IPMK: variants seen among roughly 807,000 people sequenced by gnomAD.
IPMK encodes inositol 1,3,4,6-tetrakisphosphate 5-kinase.
A neutral mutation model predicts 45.8 loss-of-function variants in IPMK; 17 were observed. That is an observed-to-expected ratio of 0.37 (90% CI 0.25 to 0.56). IPMK has a LOEUF of 0.56. Among genes scored for constraint, IPMK ranks in the 20% least tolerant of loss-of-function variants. IPMK has a pLI of 0.79. For missense variants in IPMK, 399 were observed against 498.0 expected (o/e 0.80, Z 1.89); for synonymous variants, 180 against 184.3 (o/e 0.98, Z 0.19).
intron 3 of IPMK, among the ~76,000 whole-genome samples, chr10:58,217,688 CAAAAAA>C (rs11393849): frequency 8.1e-5 from 4 of 49,264 alleles, no homozygotes; most frequent in Non-Finnish European, 1.1e-4. Context: ...AACTCCATCT[CAAAAAA>C]AAAAAAAAAA....
At chr10:58,261,600 T>C (rs1313613888) in intron 1 of IPMK, among the ~76,000 whole-genome samples, 1 of 152,050 alleles carries the variant, frequency 6.6e-6, no homozygotes, top group African/African-American at 2.4e-5. Flanking sequence ...TGTTTTTTTT[T>C]TTTTAGACAG....
intron 4 of IPMK, among the ~76,000 whole-genome samples, chr10:58,215,541 T>C (rs772026230): frequency 2.0e-5 from 3 of 151,848 alleles, no homozygotes; most frequent in Non-Finnish European, 4.4e-5. Context: ...CCCGAGTAGC[T>C]CGGACTATAG....
At chr10:58,228,459 A>AT in intron 2 of IPMK, among the ~76,000 whole-genome samples, 1 of 152,366 alleles carries the variant, frequency 6.6e-6, no homozygotes, top group African/African-American at 2.4e-5. Flanking sequence ...TATTTAGAAT[A>AT]TTTTTTAAAA....
At chr10:58,234,982 C>T (rs1467251145) in intron 2 of IPMK, among the ~76,000 whole-genome samples, 1 of 152,082 alleles carries the variant, frequency 6.6e-6, no homozygotes, top group Non-Finnish European at 1.5e-5. Context: ...AAAAAACAAA[C>T]AACCCCATCA....
intron 1 of IPMK, among the ~76,000 whole-genome samples, chr10:58,245,773 T>C (rs1838790151): frequency 6.6e-6 from 1 of 150,688 alleles, no homozygotes; most frequent in Non-Finnish European, 1.5e-5. Flanking sequence ...TCACCACTCC[T>C]ATTCAACATA....
chr10:58,243,645 CA>C (rs1342111395), intron 1 of IPMK, among the ~76,000 whole-genome samples: 1 of 152,238 alleles, frequency 6.6e-6, no homozygotes, highest in African/African-American at 2.4e-5. Context: ...GCTGGGATTG[CA>C]GACGGAGTCT....
At chr10:58,248,787 GTGT>G (rs1465425479) in intron 1 of IPMK, among the ~76,000 whole-genome samples, 1 of 152,162 alleles carries the variant, frequency 6.6e-6, no homozygotes, top group African/African-American at 2.4e-5. Context: ...ATGAGGTCAT[GTGT>G]TATTCGTCTT....
chr10:58,253,387 A>C (rs1838913824), intron 1 of IPMK, among the ~76,000 whole-genome samples: 1 of 152,082 alleles, frequency 6.6e-6, no homozygotes, highest in African/African-American at 2.4e-5. Context: ...TATTCCCTCA[A>C]CTTTTGTTTG....
intron 1 of IPMK, among the ~76,000 whole-genome samples, chr10:58,241,300 T>G (rs1000476702): frequency 6.6e-6 from 1 of 152,190 alleles, no homozygotes; most frequent in Non-Finnish European, 1.5e-5. Flanking sequence ...AGGATACCTC[T>G]GCAGCCTAGC....
rs376202260 is a variant in IPMK, at chr10:58,193,724, C to A, written c.*2352G>T. 6.6e-6 allele frequency: 1 copy of A among 151,634 alleles called. No individual in the cohort carries two copies. The highest frequency in any genetic ancestry group is 6.6e-5 in the Admixed American group (1 of 15,220). 9.4% of individuals were successfully genotyped at this position (151,634 alleles called of 1,614,324 possible). A position where few individuals can be genotyped will look rare whatever the true frequency, so the allele number is the denominator to read the frequency against. ...AGAATCCTATTAACCCAAACTATATCCGCATTATGCTTATTTCTTAAGCAT... is the reference window on the plus strand; with the variant it reads ...AGAATCCTATTAACCCAAACTATATACGCATTATGCTTATTTCTTAAGCAT... On this transcript the variant is annotated 3_prime_UTR_variant, in exon 6 of 6. Transcript: ENST00000373935.
chr10:58,259,955 T>C (rs368773645), intron 1 of IPMK, among the ~76,000 whole-genome samples: 2 of 152,286 alleles, frequency 1.3e-5, no homozygotes, highest in East Asian at 3.9e-4. Context: ...TAAAGTTTCA[T>C]GAGGAACAGA....
At chr10:58,209,005 C>T (rs1283747067) in intron 4 of IPMK, among the ~76,000 whole-genome samples, 1 of 152,212 alleles carries the variant, frequency 6.6e-6, no homozygotes, top group Non-Finnish European at 1.5e-5. Context: ...ATTTACCTCA[C>T]AGCCTCACTC....
intron 4 of IPMK, among the ~76,000 whole-genome samples, chr10:58,208,324 T>C (rs1838103036): frequency 6.6e-6 from 1 of 152,170 alleles, no homozygotes; most frequent in Non-Finnish European, 1.5e-5. Context: ...ATTCTTTATA[T>C]GGCAATTCAG....
intron 4 of IPMK, among the ~76,000 whole-genome samples, chr10:58,201,538 T>G (rs1837998726): frequency 6.6e-6 from 1 of 152,118 alleles, no homozygotes; most frequent in Non-Finnish European, 1.5e-5. Flanking sequence ...TTCCCCCATC[T>G]CTCTTCCTCT....
chr10:58,200,761 C>T (rs1769045), intron 4 of IPMK, among the ~76,000 whole-genome samples: 51,493 of 152,028 alleles, frequency 0.34, 10,970 homozygotes, highest in African/African-American at 0.61. Context: ...CGAAAACATA[C>T]AGGAATCCTT....
chr10:58,232,811 G>A (rs768814256), intron 2 of IPMK, among the ~76,000 whole-genome samples: 22 of 151,832 alleles, frequency 1.4e-4, no homozygotes, highest in Non-Finnish European at 2.2e-4. Context: ...GCTAGCAGAA[G>A]GCAAAAAATA....
intron 3 of IPMK, among the ~76,000 whole-genome samples, chr10:58,223,257 T>C (rs578159351): frequency 1.3e-5 from 2 of 152,198 alleles, no homozygotes; most frequent in South Asian, 4.1e-4. Flanking sequence ...GTAAGTTAAA[T>C]ATACATATTG....
At chr10:58,212,778 GT>G in intron 4 of IPMK, 1 of 225,154 alleles carries the variant, frequency 4.4e-6, no homozygotes, top group South Asian at 7.1e-5. Flanking sequence ...TCTTGTAGGT[GT>G]TTTTTGTGAA....
At chr10:58,254,904 C>T (rs1471757579) in intron 1 of IPMK, among the ~76,000 whole-genome samples, 2 of 152,200 alleles carry the variant, frequency 1.3e-5, no homozygotes, top group Non-Finnish European at 2.9e-5. Context: ...CCATTGTTTC[C>T]CAATCCAGGG....
Sources: gnomAD v4.1 joint callset for allele counts (sites outside exome capture counted in the v4.1 genomes callset) on GRCh38, gnomAD v4.1.1 for gene constraint, MANE v1.5 for transcripts, NCBI Gene and HGNC (gene_info 2026-07-23, HGNC 2026-07-21) for gene names.